PBK: variants seen among roughly 807,000 people sequenced by gnomAD.
PBK encodes PDZ binding kinase, also known as lymphokine-activated killer T-cell-originated protein kinase.
Under a neutral mutation model 33.5 loss-of-function variants are expected in PBK, and 22 were observed. The observed-to-expected ratio is 0.66, with a 90% CI of 0.47 to 0.94. The LOEUF is 0.94. PBK is among the 40% of genes least tolerant of loss of function. The pLI is 0.00. For missense variants in PBK, 376 were observed against 383.4 expected, an observed-to-expected ratio of 0.98 and a Z score of 0.16; for synonymous variants, 129 against 123.8, an observed-to-expected ratio of 1.04 and a Z score of -0.28.
chr8:27,820,528 TA>T (rs1563490978), intron 6 of PBK, 36 bp downstream of exon 6: 2 of 1,352,022 alleles, frequency 1.5e-6, no homozygotes, highest in Non-Finnish European at 2.1e-6. Flanking sequence ...AACACTGTAT[TA>T]AAAACAAAAT....
chr8:27,828,579 A>G lies in PBK; in HGVS notation c.59-381T>C, dbSNP rs147947321. Among the ~76,000 whole-genome samples, 903 of 151,766 alleles carry G rather than the reference A, an allele frequency of 5.9e-3. 5 individuals are homozygous for G. Among genetic ancestry groups the G allele is most frequent in the Non-Finnish European group, 7.5e-3 (511 of 67,962 alleles). On this transcript the variant is annotated intron_variant, in intron 2 of 7. Coordinates refer to ENST00000301905, the MANE Select transcript of PBK (RefSeq NM_018492.4). ...CAGTAGAGACCAGCTTGGGCAACAT[A>G]AAGAGACTCCATCTCTACACACGAA...
chr8:27,811,819 G>A (rs1419359736), intron 6 of PBK, among the ~76,000 whole-genome samples: 1 of 152,118 alleles, frequency 6.6e-6, no homozygotes, highest in Non-Finnish European at 1.5e-5. Context: ...AATTTTCTCA[G>A]TGATGCTTTA....
intron 6 of PBK, among the ~76,000 whole-genome samples, chr8:27,816,343 C>CATATATATATATATATA (rs1554559819): frequency 1.5e-5 from 2 of 136,368 alleles, no homozygotes; most frequent in African/African-American, 5.8e-5. Flanking sequence ...TCATCGAATA[C>CATATATATATATATATA]TATATATATA....
intron 6 of PBK, among the ~76,000 whole-genome samples, chr8:27,813,574 A>G (rs1254100908): frequency 6.6e-6 from 1 of 150,868 alleles, no homozygotes; most frequent in East Asian, 2.0e-4. Flanking sequence ...CACTGACCTC[A>G]TAGCCACAGT....
intron 1 of PBK, among the ~76,000 whole-genome samples, chr8:27,835,039 ATTAGAT>A (rs1806202878): frequency 2.0e-5 from 3 of 152,150 alleles, no homozygotes; most frequent in Admixed American, 2.0e-4. Flanking sequence ...TAGGTTTCCT[ATTAGAT>A]TTATTTATTA....
intron 5 of PBK, among the ~76,000 whole-genome samples, chr8:27,820,901 GC>G (rs1805914536): frequency 6.6e-6 from 1 of 150,530 alleles, no homozygotes; most frequent in Non-Finnish European, 1.5e-5. Context: ...TCGGCTCACT[GC>G]AACCTCCGCC....
At chr8:27,821,203 GTTTA>G in intron 5 of PBK, among the ~76,000 whole-genome samples, 1 of 152,106 alleles carries the variant, frequency 6.6e-6, no homozygotes, top group East Asian at 1.9e-4. Context: ...AAGTCTAAAA[GTTTA>G]TTTAGAAATA....
At chr8:27,835,968 C>G (rs1806221023) in intron 1 of PBK, among the ~76,000 whole-genome samples, 1 of 151,696 alleles carries the variant, frequency 6.6e-6, no homozygotes, top group Non-Finnish European at 1.5e-5. Flanking sequence ...ACCATGTGCT[C>G]TAACAGTGCA....
chr8:27,810,449 C>T lies in PBK; in HGVS notation c.825G>A (p.Leu275=), dbSNP rs1323962298. The change falls in exon 8 of 8, where the codon TTG becomes TTA. Residue 275 remains leucine, a synonymous_variant. Coordinates refer to ENST00000301905, the MANE Select transcript of PBK (RefSeq NM_018492.4). ...DFDDEAYYAA[L]GTRPPINMEE... ...CCATATTAATAGGTGGCCTAGTTCC[C>T]AACGCTGCATAGTATGCTTCATCAT... is the stretch of plus-strand genomic sequence containing the variant. The T allele has an allele frequency of 4.3e-6, 7 of 1,610,310 alleles. No individual in the cohort carries two copies. The highest frequency in any genetic ancestry group is 5.9e-6 in the Non-Finnish European group (7 of 1,176,872).
At chr8:27,818,266 C>T (rs1805856610) in intron 6 of PBK, among the ~76,000 whole-genome samples, 1 of 152,212 alleles carries the variant, frequency 6.6e-6, no homozygotes, top group Non-Finnish European at 1.5e-5. Context: ...ACAAGTTCTA[C>T]TTAGTGTATG....
At position 27,810,495 on chromosome 8, in the gene PBK, G is replaced by T; in HGVS notation, c.779C>A (p.Thr260Asn). ...ATCATCAAAATCACTTTCATCAAAAGTTTTATCTTGAAGGAGTTAGAGATT... is the reference window on the plus strand; with the variant it reads ...ATCATCAAAATCACTTTCATCAAAATTTTTATCTTGAAGGAGTTAGAGATT... ...LSNDDDDEDK[T>N]FDESDFDDEA... Residue 260 changes from threonine (T) to asparagine (N), a missense_variant, in exon 8 of 8, where the codon ACT becomes AAT. Thr to Asn is a moderately conservative substitution (Grantham distance 65). Coordinates refer to ENST00000301905, the MANE Select transcript of PBK (RefSeq NM_018492.4). 1 of 1,594,200 alleles carries T rather than the reference G, an allele frequency of 6.3e-7. No homozygotes were observed.
chr8:27,820,357 T>G (rs1323607470), intron 6 of PBK, among the ~76,000 whole-genome samples: 3 of 152,128 alleles, frequency 2.0e-5, no homozygotes, highest in African/African-American at 7.2e-5. Flanking sequence ...ATACTAATAC[T>G]ACTACTAATA....
intron 2 of PBK, among the ~76,000 whole-genome samples, chr8:27,830,207 A>G (rs1390884155): frequency 2.1e-4 from 2 of 9,304 alleles, no homozygotes; most frequent in Admixed American, 2.2e-3. Flanking sequence ...TGTCTCAAGA[A>G]AAAAAAAAAA....
rs1214653322 is a variant in PBK, at chr8:27,809,926, T to G, written c.*379A>C. ...TTTTAAACAAATGTAGACTTTATTT[T>G]GTACTGTACAAAGTGCTAATGTCAG... is the stretch of plus-strand genomic sequence containing the variant. On this transcript the variant is annotated 3_prime_UTR_variant, in exon 8 of 8. Coordinates refer to ENST00000301905, the MANE Select transcript of PBK (RefSeq NM_018492.4). The G allele has an allele frequency of 5.8e-6, 1 of 172,662 alleles. No homozygotes were observed. The highest frequency in any genetic ancestry group is 2.4e-5 in the African/African-American group (1 of 41,626). 10.7% of individuals were successfully genotyped at this position (172,662 alleles called of 1,614,324 possible).
intron 3 of PBK, among the ~76,000 whole-genome samples, chr8:27,823,412 A>G (rs1375681945): frequency 2.0e-5 from 3 of 152,066 alleles, no homozygotes; most frequent in African/African-American, 7.2e-5. Context: ...CTTACTATCT[A>G]TACTGTGGAA....
At chr8:27,831,287 A>G (rs1806124509) in intron 2 of PBK, among the ~76,000 whole-genome samples, 1 of 151,746 alleles carries the variant, frequency 6.6e-6, no homozygotes, top group Non-Finnish European at 1.5e-5. Context: ...CAGGAGGTAG[A>G]GGTTGCAGTG....
Position 27,823,217 on chromosome 8 carries a change from A to T in PBK, c.153-12T>A. Reference sequence around the variant, plus strand: ...AACCTCTTGGAGATCTAAGAAAAAAATTCATTTAAAAAGGATAGAAAACAA... The same window carrying T: ...AACCTCTTGGAGATCTAAGAAAAAATTTCATTTAAAAAGGATAGAAAACAA... On this transcript the variant is annotated splice_polypyrimidine_tract_variant and intron_variant, in intron 3 of 7. Coordinates refer to ENST00000301905, the MANE Select transcript of PBK (RefSeq NM_018492.4). 6.8e-7 allele frequency: 1 copy of T among 1,479,336 alleles called. No individual in the cohort carries two copies. The allele number at this position is 1,479,336 out of a possible 1,614,324, so 91.6% of individuals were successfully genotyped here.
intron 3 of PBK, 36 bp from the exon 4 acceptor site, chr8:27,823,241 A>C: frequency 7.6e-7 from 1 of 1,317,166 alleles, no homozygotes. Flanking sequence ...GATAGAAAAC[A>C]ATAAAACCAC....
At chr8:27,828,744 C>CAAAAAAAAAAAAAAA (rs34388320) in intron 2 of PBK, among the ~76,000 whole-genome samples, 1 of 82,608 alleles carries the variant, frequency 1.2e-5, no homozygotes, top group Non-Finnish European at 2.3e-5. Flanking sequence ...GACACAGTCT[C>CAAAAAAAAAAAAAAA]AAAAAAAAAA....
Sources: allele counts gnomAD v4.1 joint callset (sites outside exome capture counted in the v4.1 genomes callset), GRCh38; gene constraint gnomAD v4.1.1; transcripts MANE v1.5; gene names NCBI Gene and HGNC (gene_info 2026-07-23, HGNC 2026-07-21).